GRIP1: variants seen among roughly 807,000 people sequenced by gnomAD.
GRIP1 encodes glutamate receptor interacting protein 1, also known as glutamate receptor-interacting protein 1.
In GRIP1, 45 loss-of-function variants were observed where a neutral mutation model predicts 129.9. The observed-to-expected ratio is 0.35, with a 90% CI of 0.27 to 0.44. The LOEUF is 0.44. GRIP1 is among the 20% of genes least tolerant of loss of function. The pLI is 1.00. For synonymous variants in GRIP1, 530 were observed against 520.8 expected (o/e 1.02, Z -0.24); for missense variants, 1,196 against 1,396.8 (o/e 0.86, Z 2.29).
At chr12:66,843,850 T>C (rs2039765711) in intron 1 of GRIP1, among the ~76,000 whole-genome samples, 2 of 152,082 alleles carry the variant, frequency 1.3e-5, no homozygotes, top group African/African-American at 4.8e-5. Context: ...TATAAAACTC[T>C]TACAAGAAAA....
chr12:66,510,346 TC>T (rs1341991760), intron 7 of GRIP1, among the ~76,000 whole-genome samples: 2 of 152,142 alleles, frequency 1.3e-5, no homozygotes, highest in Non-Finnish European at 2.9e-5. Flanking sequence ...CAGAGCTCAG[TC>T]CTTGGGCCTC....
intron 1 of GRIP1, among the ~76,000 whole-genome samples, chr12:66,977,468 T>C (rs888670002): frequency 6.6e-6 from 1 of 152,142 alleles, no homozygotes; most frequent in Non-Finnish European, 1.5e-5. Flanking sequence ...GTGAAGAGTA[T>C]GATGAACACA....
chr12:66,845,421 C>T (rs551269749), intron 1 of GRIP1, among the ~76,000 whole-genome samples: 1 of 152,322 alleles, frequency 6.6e-6, no homozygotes, highest in East Asian at 1.9e-4. Context: ...CAGGCCACTG[C>T]ACTACAGCCT....
intron 1 of GRIP1, among the ~76,000 whole-genome samples, chr12:66,697,636 C>T (rs550653370): frequency 6.9e-4 from 105 of 152,248 alleles, no homozygotes; most frequent in African/African-American, 2.4e-3. Flanking sequence ...GGCTGAGAAG[C>T]GTGCTAACTG....
intron 1 of GRIP1, among the ~76,000 whole-genome samples, chr12:66,885,262 G>A (rs897752087): frequency 1.3e-5 from 2 of 152,078 alleles, no homozygotes; most frequent in Admixed American, 6.5e-5. Context: ...GCCAGTGGGC[G>A]GGTCTCAACA....
chr12:66,522,579 T>C (rs1447484688), intron 5 of GRIP1, among the ~76,000 whole-genome samples: 1 of 151,826 alleles, frequency 6.6e-6, no homozygotes, highest in Non-Finnish European at 1.5e-5. Flanking sequence ...ACCACAAAGA[T>C]GGGGAAAAAA....
Position 66,986,318 on chromosome 12 carries a change from C to T in GRIP1, c.58+82732G>A, listed in dbSNP as rs571570457. 6.5e-3 allele frequency among the ~76,000 whole-genome samples: 987 copies of T among 151,998 alleles called. 6 individuals are homozygous for T. The highest frequency in any genetic ancestry group is 0.024 in the Middle Eastern group (7 of 294). On this transcript the variant is annotated intron_variant, in intron 1 of 1. Coordinates refer to the GRIP1 transcript ENST00000643019. ...AGAAATACCATTTGACCCAGCCATC[C>T]CATTACTGGGTATATACCTAAAGGA...
At chr12:66,528,456 A>G (rs979901398) in intron 5 of GRIP1, among the ~76,000 whole-genome samples, 9 of 152,044 alleles carry the variant, frequency 5.9e-5, no homozygotes, top group Admixed American at 5.2e-4. Flanking sequence ...TAGTTTTATG[A>G]TAAGTTGGAG....
At position 66,456,245 on chromosome 12, in the gene GRIP1, A is replaced by T; in HGVS notation, c.1140T>A (p.Pro380=). 7.8e-7 allele frequency: 1 copy of T among 1,289,488 alleles called. No individual in the cohort carries two copies. The highest frequency in any genetic ancestry group is 1.0e-6 in the Non-Finnish European group (1 of 988,296). The allele number at this position is 1,289,488 out of a possible 1,614,324, so 79.9% of individuals were successfully genotyped here. The change falls in exon 10 of 25, where the codon CCT becomes CCA. Residue 380 remains proline, a synonymous_variant. Transcript: ENST00000359742. ...TCAGGGCTGGTACTCTGCAATGGTCAGGGTGGTACGTGTTATAGTGATGGT... is the reference window on the plus strand; with the variant it reads ...TCAGGGCTGGTACTCTGCAATGGTCTGGGTGGTACGTGTTATAGTGATGGT... ...HTNHHYNTYH[P]DHCRVPALTF... is the part of the protein sequence containing the mutation.
intron 1 of GRIP1, among the ~76,000 whole-genome samples, chr12:66,614,194 TTC>T (rs2139906212): frequency 6.6e-6 from 1 of 152,132 alleles, no homozygotes; most frequent in Non-Finnish European, 1.5e-5. Flanking sequence ...TCACATCTAC[TTC>T]CATGCCTTTA....
intron 1 of GRIP1, among the ~76,000 whole-genome samples, chr12:66,964,123 C>T (rs2041962103): frequency 1.3e-5 from 2 of 152,160 alleles, no homozygotes; most frequent in Admixed American, 6.6e-5. Context: ...CTGCTTGAGG[C>T]CACATTCCAA....
rs2065097134 is a variant in GRIP1, at chr12:66,617,571, T to C, written c.56-20644A>G. On this transcript the variant is annotated intron_variant, in intron 1 of 24. Transcript: ENST00000359742. ...GGATGATCTGAATATCCCACTTTACTACCCACAGTGGACATATTCCAAGAG... is the reference window on the plus strand; with the variant it reads ...GGATGATCTGAATATCCCACTTTACCACCCACAGTGGACATATTCCAAGAG... 2.0e-5 allele frequency among the ~76,000 whole-genome samples: 3 copies of C among 152,066 alleles called. No individual in the cohort carries two copies. In the South Asian group the frequency reaches 6.2e-4, roughly 32 times the overall value.
At chr12:66,640,492 A>G (rs1057500173) in intron 1 of GRIP1, among the ~76,000 whole-genome samples, 5 of 152,228 alleles carry the variant, frequency 3.3e-5, no homozygotes, top group African/African-American at 1.2e-4. Flanking sequence ...CTCAAGCTAG[A>G]AGAAAAGACT....
At chr12:66,419,257 C>T (rs1027937284) in intron 15 of GRIP1, among the ~76,000 whole-genome samples, 1 of 150,660 alleles carries the variant, frequency 6.6e-6, no homozygotes, top group Non-Finnish European at 1.5e-5. Context: ...TAACTGAACT[C>T]ATGGAGAGAG....
rs74098290 is a variant in GRIP1 at position 66,837,706 on chromosome 12, A to G, written c.58+231344T>C. Among the ~76,000 whole-genome samples the G allele has an allele frequency of 4.7e-3, 714 of 152,320 alleles. 6 individuals carry two copies. The highest frequency in any genetic ancestry group is 0.017 in the African/African-American group (686 of 41,554). ...TGGTGGTATAGAGAATAGGCTGAAG[A>G]AAGTCTGTAGGGAGGTAGTTAGAAG... On this transcript the variant is annotated intron_variant, in intron 1 of 1. Transcript: ENST00000643019.
chr12:66,778,624 C>CA (rs2038063325), intron 1 of GRIP1, among the ~76,000 whole-genome samples: 1 of 151,822 alleles, frequency 6.6e-6, no homozygotes, highest in African/African-American at 2.4e-5. Context: ...TTACCTATGA[C>CA]AAAAAAAGAA....
intron 1 of GRIP1, among the ~76,000 whole-genome samples, chr12:67,017,643 A>T (rs1467813013): frequency 6.6e-6 from 1 of 152,178 alleles, no homozygotes; most frequent in Non-Finnish European, 1.5e-5. Flanking sequence ...CTTGACCAAG[A>T]GAATGCACTG....
chr12:66,926,242 G>GT (rs150090247), intron 1 of GRIP1, among the ~76,000 whole-genome samples: 4,811 of 152,126 alleles, frequency 0.032, 246 homozygotes, highest in African/African-American at 0.11. Context: ...AATAACTTCA[G>GT]TTTTTTACGT....
rs138854012 is a variant in GRIP1, at chr12:67,040,914, C to T, written c.58+28136G>A. Among the ~76,000 whole-genome samples, 693 of 152,184 alleles carry T rather than the reference C, an allele frequency of 4.6e-3. 5 individuals carry two copies. Among genetic ancestry groups the T allele is most frequent in the African/African-American group, 0.016 (658 of 41,526 alleles). ...TGAGATTTGTATTTAAATTGGTGGA[C>T]TGAGTAAAGTAGATTACCCTCCCTG... On this transcript the variant is annotated intron_variant, in intron 1 of 1. Transcript: ENST00000643019.
Sources: allele counts gnomAD v4.1 joint callset (sites outside exome capture counted in the v4.1 genomes callset), GRCh38; gene constraint gnomAD v4.1.1; transcripts MANE v1.5; gene names NCBI Gene and HGNC (gene_info 2026-07-23, HGNC 2026-07-21).